Variants in FSTL5 observed in about 807,000 individuals in gnomAD.
The protein encoded by FSTL5 is follistatin-related protein 5.
A neutral mutation model predicts 89.1 loss-of-function variants in FSTL5; 62 were observed. The observed-to-expected ratio is 0.70, with a 90% CI of 0.57 to 0.86. The LOEUF is 0.86. Ranked by LOEUF, FSTL5 falls within the 40% of genes least tolerant of loss-of-function variation. The pLI, the probability that FSTL5 is intolerant of heterozygous loss-of-function variation, is 0.00. For synonymous variants in FSTL5, 383 were observed against 346.2 expected, an observed-to-expected ratio of 1.11 and a Z score of -1.18; for missense variants, 1,057 against 1,001.6, an observed-to-expected ratio of 1.06 and a Z score of -0.75.
chr4:161,971,980 A>G (rs1735498189), intron 3 of FSTL5, among the ~76,000 whole-genome samples: 1 of 152,202 alleles, frequency 6.6e-6, no homozygotes, highest in Non-Finnish European at 1.5e-5. Flanking sequence ...ACTGTGGTGT[A>G]CAGACACTAA....
At chr4:161,753,909 G>T (rs1229870897) in intron 6 of FSTL5, among the ~76,000 whole-genome samples, 2 of 151,870 alleles carry the variant, frequency 1.3e-5, no homozygotes, top group East Asian at 1.9e-4. Flanking sequence ...GGGCGTGGTG[G>T]CTGGCGCCTG....
chr4:162,100,621 G>C (rs1730958958), intron 2 of FSTL5, among the ~76,000 whole-genome samples: 1 of 152,098 alleles, frequency 6.6e-6, no homozygotes, highest in Non-Finnish European at 1.5e-5. Flanking sequence ...AAAACCCCTA[G>C]AATATACAAC....
At chr4:161,831,117 G>A (rs1236353989) in intron 4 of FSTL5, among the ~76,000 whole-genome samples, 1 of 151,442 alleles carries the variant, frequency 6.6e-6, no homozygotes, top group Non-Finnish European at 1.5e-5. Context: ...CGGTGAGAGT[G>A]GGGGAAATTG....
At chr4:161,770,475 CCTACTATGTACT>C (rs1741168855) in intron 5 of FSTL5, among the ~76,000 whole-genome samples, 1 of 151,646 alleles carries the variant, frequency 6.6e-6, no homozygotes, top group African/African-American at 2.4e-5. Context: ...TGTATATATA[CCTACTATGTACT>C]CATAAAAATT....
At chr4:161,441,212 A>G (rs1488738052) in intron 15 of FSTL5, among the ~76,000 whole-genome samples, 1 of 152,138 alleles carries the variant, frequency 6.6e-6, no homozygotes, top group African/African-American at 2.4e-5. Context: ...AAACTATCCT[A>G]CATTTTGAAT....
rs566330287 is a variant in FSTL5 at position 161,638,564 on chromosome 4, G to T, written c.894+17764C>A. Reference sequence around the variant, plus strand: ...ATGGATTCACAGCTGAATTCTACCAGAGGTACAAGGAGGAACTGGTACCAT... The same window carrying T: ...ATGGATTCACAGCTGAATTCTACCATAGGTACAAGGAGGAACTGGTACCAT... On this transcript the variant is annotated intron_variant, in intron 7 of 15. Transcript: ENST00000306100. Among the ~76,000 whole-genome samples, 863 of 151,272 alleles carry T rather than the reference G, an allele frequency of 5.7e-3. 9 individuals carry two copies. Among genetic ancestry groups the T allele is most frequent in the African/African-American group, 0.02 (837 of 41,094 alleles).
At chr4:161,505,496 T>C (rs145983592) in intron 11 of FSTL5, among the ~76,000 whole-genome samples, 3 of 152,294 alleles carry the variant, frequency 2.0e-5, no homozygotes, top group African/African-American at 7.2e-5. Flanking sequence ...AGTGATAGTA[T>C]CTAAAACCAG....
intron 6 of FSTL5, among the ~76,000 whole-genome samples, chr4:161,700,914 T>C (rs1158465663): frequency 6.6e-6 from 1 of 152,228 alleles, no homozygotes; most frequent in Non-Finnish European, 1.5e-5. Context: ...ATAACAATAA[T>C]GTAGTTTGGA....
chr4:161,779,995 CAG>C (rs1457537340), intron 4 of FSTL5, among the ~76,000 whole-genome samples: 1 of 147,928 alleles, frequency 6.8e-6, no homozygotes, highest in Non-Finnish European at 1.5e-5. Flanking sequence ...TTTCAAGAAA[CAG>C]AGTGTGATGA....
intron 1 of FSTL5, among the ~76,000 whole-genome samples, chr4:162,154,250 A>G (rs890287709): frequency 1.3e-5 from 2 of 152,164 alleles, no homozygotes; most frequent in African/African-American, 4.8e-5. Flanking sequence ...TGCAAGTGCA[A>G]TGGCTTTTTT....
At position 161,455,011 on chromosome 4, in the gene FSTL5, G is replaced by T; in HGVS notation, c.1834C>A (p.His612Asn). 1 of 1,613,092 alleles carries T rather than the reference G, an allele frequency of 6.2e-7. No individual in the cohort carries two copies. The highest frequency in any genetic ancestry group is 8.5e-7 in the Non-Finnish European group (1 of 1,179,408). The change falls in exon 15 of 16, where the codon CAT (histidine) becomes AAT (asparagine). Residue 612 changes from histidine (H) to asparagine (N), a missense_variant. Physicochemically the swap from His to Asn is moderately conservative, Grantham distance 68 (BLOSUM62 1). This residue lies in a region of FSTL5 where 980 missense variants were observed against 903.2 expected (regional missense o/e 1.08). Transcript: ENST00000306100. ...FIPTTTLIIT[H>N]MRFGFILHKD... ...ACTCAACTTAGCACTTACCTCATAT[G>T]GGTGATAATGAGTGTTGTGGTGGGA...
chr4:162,079,344 G>A (rs1387188174), intron 2 of FSTL5, among the ~76,000 whole-genome samples: 1 of 151,592 alleles, frequency 6.6e-6, no homozygotes, highest in Non-Finnish European at 1.5e-5. Flanking sequence ...CATGACTTCT[G>A]GAGATAGAGT....
intron 1 of FSTL5, among the ~76,000 whole-genome samples, chr4:162,143,968 T>A (rs1455393744): frequency 6.6e-6 from 1 of 152,100 alleles, no homozygotes; most frequent in African/African-American, 2.4e-5. Context: ...AGAGTCAAAA[T>A]TATTTACTAA....
chr4:161,679,258 CAT>C (rs1737434011), intron 6 of FSTL5, among the ~76,000 whole-genome samples: 1 of 151,604 alleles, frequency 6.6e-6, no homozygotes, highest in Non-Finnish European at 1.5e-5. Context: ...TTCATTGAAA[CAT>C]AATGTTCACA....
At position 161,587,901 on chromosome 4, in the gene FSTL5, C is replaced by T. The variant is rs550843884; in HGVS notation, c.895-326G>A. 2.6e-4 allele frequency among the ~76,000 whole-genome samples: 39 copies of T among 152,264 alleles called. 1 individual carries two copies. The highest frequency in any genetic ancestry group is 2.9e-4 in the African/African-American group (12 of 41,566). ...TTTTAAGATTAGAACAGGCCAGGCACGGTGGCTCACACCTGTAATCCCAGC... is the reference window on the plus strand; with the variant it reads ...TTTTAAGATTAGAACAGGCCAGGCATGGTGGCTCACACCTGTAATCCCAGC... On this transcript the variant is annotated intron_variant, in intron 7 of 15. Transcript: ENST00000306100.
At chr4:161,517,780 C>A (rs1730891150) in intron 10 of FSTL5, among the ~76,000 whole-genome samples, 1 of 136,456 alleles carries the variant, frequency 7.3e-6, no homozygotes. Context: ...AGGTTTTCAC[C>A]ATTGCAAATC....
intron 10 of FSTL5, among the ~76,000 whole-genome samples, chr4:161,512,739 T>G (rs1054565229): frequency 2.0e-5 from 3 of 152,076 alleles, no homozygotes; most frequent in Non-Finnish European, 4.4e-5. Context: ...CATAATGAAT[T>G]TAAAATTACA....
At chr4:161,390,110 A>G (rs1417877678) in intron 15 of FSTL5, among the ~76,000 whole-genome samples, 1 of 152,172 alleles carries the variant, frequency 6.6e-6, no homozygotes, top group Non-Finnish European at 1.5e-5. Flanking sequence ...TTAAAAATAA[A>G]GACAGTCTAG....
chr4:161,404,493 C>T (rs145610720), intron 15 of FSTL5, among the ~76,000 whole-genome samples: 57 of 152,246 alleles, frequency 3.7e-4, no homozygotes, highest in African/African-American at 1.3e-3. Flanking sequence ...TCTAAGTTTT[C>T]CACTAACAGT....
Sources: allele counts gnomAD v4.1 joint callset (sites outside exome capture counted in the v4.1 genomes callset), GRCh38; gene constraint gnomAD v4.1.1; regional missense constraint gnomAD v4.1.1; transcripts MANE v1.5; gene names NCBI Gene and HGNC (gene_info 2026-07-23, HGNC 2026-07-21).